The following KHDRBS2 variants were observed in gnomAD, a reference collection of about 807,000 sequenced individuals.
KHDRBS2 encodes the protein KH domain-containing, RNA-binding, signal transduction-associated protein 2.
In KHDRBS2, 26 loss-of-function variants were observed where a neutral mutation model predicts 44.3. That is an observed-to-expected ratio of 0.59 (90% CI 0.43 to 0.81). KHDRBS2 has a LOEUF of 0.81. KHDRBS2 is among the 40% of genes least tolerant of loss of function. KHDRBS2 has a pLI of 0.00. For missense variants in KHDRBS2, 476 were observed against 433.1 expected (o/e 1.10, Z -0.88); for synonymous variants, 194 against 151.1 (o/e 1.28, Z -2.08).
chr6:62,140,337 C>CTTAGGTTTAGCAATCAGATTTCCATA (rs1428231868), intron 2 of KHDRBS2, among the ~76,000 whole-genome samples: 12 of 152,128 alleles, frequency 7.9e-5, no homozygotes, highest in Admixed American at 7.9e-4. Context: ...TAATGTCGAT[C>CTTAGGTTTAGCAATCAGATTTCCATA]TTAGGTTTAG....
rs189981737 is a variant in KHDRBS2, at chr6:61,760,625, C to T, written c.811-27861G>A. On this transcript the variant is annotated intron_variant, in intron 6 of 8. Transcript: ENST00000281156. ...CCAGCCTGGGCAACAGAGTGAGAACCTGTCTCAAGCAGAAAAAAGGAAAAA... is the reference window on the plus strand; with the variant it reads ...CCAGCCTGGGCAACAGAGTGAGAACTTGTCTCAAGCAGAAAAAAGGAAAAA... Among the ~76,000 whole-genome samples, 64 of 151,304 alleles carry T rather than the reference C, an allele frequency of 4.2e-4. 1 individual carries two copies. Among genetic ancestry groups the T allele is most frequent in the African/African-American group, 1.5e-3 (63 of 41,166 alleles).
chr6:61,835,123 G>T (rs1164095877), intron 6 of KHDRBS2, among the ~76,000 whole-genome samples: 2 of 151,976 alleles, frequency 1.3e-5, no homozygotes, highest in East Asian at 3.9e-4. Flanking sequence ...AGTGAGAAAA[G>T]CTGGGGGTTT....
chr6:61,610,926 C>G, the KHDRBS2 span, among the ~76,000 whole-genome samples: 1 of 152,176 alleles, frequency 6.6e-6, no homozygotes, highest in Non-Finnish European at 1.5e-5. Context: ...AAGGACCATT[C>G]TGGAAATACT....
the KHDRBS2 span, among the ~76,000 whole-genome samples, chr6:61,641,008 C>A: frequency 6.6e-6 from 1 of 152,086 alleles, no homozygotes; most frequent in African/African-American, 2.4e-5. Flanking sequence ...ATGCTCAAAA[C>A]CACCCCCACA....
At position 62,241,832 on chromosome 6, in the gene KHDRBS2, G is replaced by A. The variant is rs113123551; in HGVS notation, c.91+44026C>T. ...GCCAAGTACAGTAGAAGGGCAAATA[G>A]GTATTATATATATGCATATAGTCTG... On this transcript the variant is annotated intron_variant, in intron 1 of 8. Transcript: ENST00000281156. Among the ~76,000 whole-genome samples, 8 of 150,494 alleles carry A rather than the reference G, an allele frequency of 5.3e-5. 1 individual carries two copies. The highest frequency in any genetic ancestry group is 3.3e-4 in the Admixed American group (5 of 15,198).
chr6:62,217,768 GAT>G (rs1352204209), intron 1 of KHDRBS2, among the ~76,000 whole-genome samples: 1 of 151,702 alleles, frequency 6.6e-6, no homozygotes, highest in Admixed American at 6.6e-5. Flanking sequence ...AGAAGCCAAA[GAT>G]AAAACTACAG....
intron 6 of KHDRBS2, among the ~76,000 whole-genome samples, chr6:61,867,144 C>T (rs1485663599): frequency 6.6e-6 from 1 of 152,138 alleles, no homozygotes; most frequent in Non-Finnish European, 1.5e-5. Flanking sequence ...TAAAGAGGTA[C>T]CTAAGACTGG....
the KHDRBS2 span, among the ~76,000 whole-genome samples, chr6:61,632,610 A>G: frequency 6.6e-6 from 1 of 152,152 alleles, no homozygotes; most frequent in Non-Finnish European, 1.5e-5. Context: ...TCTTGATTGC[A>G]TGTATTTTCT....
At chr6:61,895,678 T>A (rs1234203409) in intron 5 of KHDRBS2, among the ~76,000 whole-genome samples, 1 of 152,178 alleles carries the variant, frequency 6.6e-6, no homozygotes, top group Admixed American at 6.5e-5. Context: ...TTGTCTGAAG[T>A]CTTTGGGCAA....
chr6:62,062,125 A>AC (rs1792094817), intron 2 of KHDRBS2, among the ~76,000 whole-genome samples: 2 of 148,580 alleles, frequency 1.3e-5, no homozygotes, highest in Non-Finnish European at 3.0e-5. Context: ...CAGATTCATA[A>AC]AGCAAGTCCT....
intron 2 of KHDRBS2, among the ~76,000 whole-genome samples, chr6:62,063,048 C>A (rs901420479): frequency 6.8e-6 from 1 of 147,086 alleles, no homozygotes; most frequent in African/African-American, 2.5e-5. Flanking sequence ...ATACATTCCT[C>A]GACACATACA....
chr6:61,856,417 G>A (rs1796159445), intron 6 of KHDRBS2, among the ~76,000 whole-genome samples: 1 of 152,066 alleles, frequency 6.6e-6, no homozygotes, highest in Non-Finnish European at 1.5e-5. Flanking sequence ...TTTACTCAGA[G>A]CAGAGGGTGG....
chr6:61,890,682 C>A (rs1037727079), intron 6 of KHDRBS2, among the ~76,000 whole-genome samples: 1 of 152,192 alleles, frequency 6.6e-6, no homozygotes, highest in African/African-American at 2.4e-5. Context: ...AAAAAGTGAT[C>A]CTACCACCCT....
chr6:62,237,830 G>C (rs1585350327), intron 1 of KHDRBS2, among the ~76,000 whole-genome samples: 1 of 152,224 alleles, frequency 6.6e-6, no homozygotes, highest in South Asian at 2.1e-4. Context: ...CACGAGGTCA[G>C]GAGTTTCAGG....
the KHDRBS2 span, among the ~76,000 whole-genome samples, chr6:61,656,893 A>C: frequency 6.6e-6 from 1 of 151,952 alleles, no homozygotes; most frequent in South Asian, 2.1e-4. Flanking sequence ...TATGAATTAA[A>C]CTGTTTTAGA....
the KHDRBS2 span, among the ~76,000 whole-genome samples, chr6:61,587,261 A>T: frequency 6.6e-6 from 1 of 152,168 alleles, no homozygotes; most frequent in Non-Finnish European, 1.5e-5. Flanking sequence ...TAGCATGCGT[A>T]TGAATTGTGT....
chr6:61,978,327 C>G (rs1013961338), intron 3 of KHDRBS2, 115 bp from the exon 4 acceptor site: 5 of 706,472 alleles, frequency 7.1e-6, no homozygotes, highest in African/African-American at 1.9e-5. Flanking sequence ...AATTTGCTTC[C>G]ATAATTTTCT....
intron 1 of KHDRBS2, among the ~76,000 whole-genome samples, chr6:62,210,317 T>C (rs1828802365): frequency 6.7e-6 from 1 of 148,962 alleles, no homozygotes; most frequent in Non-Finnish European, 1.5e-5. Flanking sequence ...AGGCACATTA[T>C]TCTAGCATTC....
chr6:61,768,333 C>A (rs1336560490), intron 6 of KHDRBS2, among the ~76,000 whole-genome samples: 1 of 152,100 alleles, frequency 6.6e-6, no homozygotes, highest in Admixed American at 6.6e-5. Context: ...CTTGAGATAG[C>A]CTCCTTTGGG....
Sources: gnomAD v4.1 joint callset for allele counts (sites outside exome capture counted in the v4.1 genomes callset) on GRCh38, gnomAD v4.1.1 for gene constraint, MANE v1.5 for transcripts, NCBI Gene and HGNC (gene_info 2026-07-23, HGNC 2026-07-21) for gene names.